Variants in UNC13C observed in about 807,000 individuals in gnomAD.
UNC13C encodes the protein unc-13 homolog C.
A neutral mutation model predicts 245.4 loss-of-function variants in UNC13C; 174 were observed. That is an observed-to-expected ratio of 0.71 (90% CI 0.63 to 0.80). The LOEUF (loss-of-function observed/expected upper bound fraction) is 0.80. UNC13C is among the 30% of genes least tolerant of loss of function. The pLI is 0.00. For synonymous variants in UNC13C, 992 were observed against 895.1 expected, an observed-to-expected ratio of 1.11 and a Z score of -1.93; for missense variants, 2,829 against 2,602.9, an observed-to-expected ratio of 1.09 and a Z score of -1.89.
intron 2 of UNC13C, among the ~76,000 whole-genome samples, chr15:54,020,757 G>A (rs1016757158): frequency 6.6e-6 from 1 of 152,038 alleles, no homozygotes; most frequent in Non-Finnish European, 1.5e-5. Context: ...TGTATCAAAA[G>A]TCCTAGGGGA....
At chr15:54,353,607 C>T (rs1057184473) in intron 17 of UNC13C, among the ~76,000 whole-genome samples, 1 of 152,132 alleles carries the variant, frequency 6.6e-6, no homozygotes, top group African/African-American at 2.4e-5. Flanking sequence ...CTGTACTGTG[C>T]CTAAACCAAT....
intron 2 of UNC13C, among the ~76,000 whole-genome samples, chr15:54,061,590 T>C (rs1362301242): frequency 6.6e-6 from 1 of 152,036 alleles, no homozygotes; most frequent in Non-Finnish European, 1.5e-5. Context: ...GTCAGCATAA[T>C]GGTACAGCAA....
chr15:54,021,934 T>C, intron 2 of UNC13C, among the ~76,000 whole-genome samples: 1 of 152,242 alleles, frequency 6.6e-6, no homozygotes. Flanking sequence ...TAAACATATC[T>C]AGCAGCAATA....
chr15:53,961,105 G>T, the UNC13C span, among the ~76,000 whole-genome samples: 34 of 152,312 alleles, frequency 2.2e-4, no homozygotes, highest in Non-Finnish European at 1.2e-4. Context: ...CCATCCTTAT[G>T]CTTTCCTTCA....
At chr15:54,432,015 A>G (rs1173661111) in intron 19 of UNC13C, among the ~76,000 whole-genome samples, 1 of 151,650 alleles carries the variant, frequency 6.6e-6, no homozygotes, top group East Asian at 1.9e-4. Context: ...TTATGTATCA[A>G]TAAAATAAAC....
At chr15:53,860,470 C>T in the UNC13C span, among the ~76,000 whole-genome samples, 1 of 152,120 alleles carries the variant, frequency 6.6e-6, no homozygotes, top group African/African-American at 2.4e-5. Flanking sequence ...TATTTAGATG[C>T]TTCAGTCATG....
intron 4 of UNC13C, among the ~76,000 whole-genome samples, chr15:54,184,141 CA>C (rs1238125392): frequency 7.2e-5 from 11 of 152,060 alleles, no homozygotes; most frequent in African/African-American, 2.7e-4. Flanking sequence ...TGTTTTGAGG[CA>C]ACTGATGCTA....
intron 19 of UNC13C, among the ~76,000 whole-genome samples, chr15:54,461,010 T>C (rs1324004103): frequency 6.6e-6 from 1 of 152,156 alleles, no homozygotes; most frequent in South Asian, 2.1e-4. Context: ...TAATTTTATT[T>C]CTTGCATTTT....
chr15:54,354,960 A>G (rs1239142332), intron 17 of UNC13C, among the ~76,000 whole-genome samples: 2 of 152,120 alleles, frequency 1.3e-5, no homozygotes, highest in African/African-American at 4.8e-5. Context: ...TTCATTTATG[A>G]ATTATTGTGT....
intron 17 of UNC13C, among the ~76,000 whole-genome samples, chr15:54,359,600 C>G (rs2039181386): frequency 6.6e-6 from 1 of 151,742 alleles, no homozygotes; most frequent in African/African-American, 2.4e-5. Flanking sequence ...TTATACATTT[C>G]TTATAGATTT....
At chr15:54,042,331 G>C (rs529591270) in intron 2 of UNC13C, among the ~76,000 whole-genome samples, 1 of 152,178 alleles carries the variant, frequency 6.6e-6, no homozygotes, top group East Asian at 1.9e-4. Flanking sequence ...ATGTGAGTCC[G>C]TAGGGATAAC....
the UNC13C span, among the ~76,000 whole-genome samples, chr15:53,921,843 C>T: frequency 2.0e-5 from 3 of 152,034 alleles, no homozygotes; most frequent in African/African-American, 7.2e-5. Context: ...GTTTTAGAAC[C>T]GGAATGGACT....
intron 30 of UNC13C, among the ~76,000 whole-genome samples, chr15:54,585,517 G>A (rs1246166701): frequency 6.6e-6 from 1 of 152,144 alleles, no homozygotes; most frequent in Non-Finnish European, 1.5e-5. Flanking sequence ...TTCGTTTATA[G>A]CAATCCAAAA....
At chr15:54,622,585 A>G (rs1337267378) in intron 31 of UNC13C, among the ~76,000 whole-genome samples, 166 bp downstream of exon 31, 1 of 152,238 alleles carries the variant, frequency 6.6e-6, no homozygotes, top group East Asian at 1.9e-4. Flanking sequence ...ATAGAAAAAT[A>G]TCAATGGCAC....
intron 2 of UNC13C, among the ~76,000 whole-genome samples, chr15:54,112,169 T>G (rs1326733497): frequency 6.6e-6 from 1 of 152,126 alleles, no homozygotes; most frequent in African/African-American, 2.4e-5. Context: ...TGAAGCAACA[T>G]CATTCATCTG....
intron 30 of UNC13C, among the ~76,000 whole-genome samples, chr15:54,608,863 G>T (rs1899923424): frequency 6.6e-6 from 1 of 152,132 alleles, no homozygotes; most frequent in African/African-American, 2.4e-5. Context: ...AATTATGTTA[G>T]ATTAGACCAA....
the UNC13C span, chr15:53,912,180 A>C: frequency 6.6e-6 from 1 of 152,230 alleles, no homozygotes; most frequent in African/African-American, 2.4e-5. Flanking sequence ...AATCGTCCCC[A>C]GAGCTGCAAT....
rs1322185595 is a variant in UNC13C at position 54,014,056 on chromosome 15, C to T, written c.1153C>T (p.Gln385Ter). Residue 385 changes from glutamine (Q) to a stop codon, truncating the protein, a stop_gained, in exon 2 of 33, where the codon CAA becomes TAA. Coordinates refer to ENST00000260323, the MANE Select transcript of UNC13C (RefSeq NM_001080534.3). LOFTEE classifies it high-confidence loss of function. ...RPILVYFETP[Q>*]QRDSVLKKSY... is the part of the protein sequence containing the mutation. Reference sequence around the variant, plus strand: ...CATACTTGTGTACTTTGAAACCCCTCAACAAAGGGATTCTGTCTTAAAAAA... The same window carrying T: ...CATACTTGTGTACTTTGAAACCCCTTAACAAAGGGATTCTGTCTTAAAAAA... The T allele has an allele frequency of 1.2e-6, 2 of 1,613,590 alleles. No individual in the cohort carries two copies. The highest frequency in any genetic ancestry group is 1.7e-6 in the Non-Finnish European group (2 of 1,179,828).
At chr15:54,305,802 A>G (rs140450602) in intron 13 of UNC13C, among the ~76,000 whole-genome samples, 4 of 152,188 alleles carry the variant, frequency 2.6e-5, no homozygotes, top group East Asian at 3.9e-4. Flanking sequence ...TTCGAAAAAG[A>G]CAAAAGTCCT....
Sources: gnomAD v4.1 joint callset for allele counts (sites outside exome capture counted in the v4.1 genomes callset) on GRCh38, gnomAD v4.1.1 for gene constraint, MANE v1.5 for transcripts, NCBI Gene and HGNC (gene_info 2026-07-23, HGNC 2026-07-21) for gene names.